The following SORCS2 variants were observed in gnomAD, a reference collection of about 807,000 sequenced individuals.
The protein encoded by SORCS2 is VPS10 domain-containing receptor SorCS2.
Under a neutral mutation model 141.6 loss-of-function variants are expected in SORCS2, and 100 were observed. That is an observed-to-expected ratio of 0.71 (90% CI 0.60 to 0.83). SORCS2 has a LOEUF of 0.83. Ranked by LOEUF, SORCS2 falls within the 40% of genes least tolerant of loss-of-function variation. SORCS2 has a pLI of 0.00. For missense variants in SORCS2, 1,646 were observed against 1,560.2 expected (o/e 1.05, Z -0.93); for synonymous variants, 789 against 676.9 (o/e 1.17, Z -2.57).
chr4:7,590,979 C>T (rs1432120194), intron 3 of SORCS2, among the ~76,000 whole-genome samples: 1 of 152,186 alleles, frequency 6.6e-6, no homozygotes, highest in Non-Finnish European at 1.5e-5. Flanking sequence ...CTGGCAGCTT[C>T]CAGTCAGGAA....
intron 1 of SORCS2, among the ~76,000 whole-genome samples, chr4:7,204,755 C>T (rs1287045709): frequency 6.6e-6 from 1 of 152,170 alleles, no homozygotes; most frequent in African/African-American, 2.4e-5. Context: ...TGAATTCTGC[C>T]ACTTGTGACC....
intron 2 of SORCS2, chr4:7,433,644 G>A: frequency 6.2e-7 from 1 of 1,610,388 alleles, no homozygotes; most frequent in Admixed American, 1.7e-5. Flanking sequence ...TGGTGCTCTT[G>A]CTCTCCAAGT....
At chr4:7,612,505 G>T (rs1718474099) in intron 3 of SORCS2, among the ~76,000 whole-genome samples, 1 of 152,140 alleles carries the variant, frequency 6.6e-6, no homozygotes, top group Admixed American at 6.5e-5. Context: ...TACATGGGGT[G>T]TGGCCGGGCT....
chr4:7,237,845 G>A (rs902614195), intron 1 of SORCS2, among the ~76,000 whole-genome samples: 1 of 151,828 alleles, frequency 6.6e-6, no homozygotes, highest in Non-Finnish European at 1.5e-5. Flanking sequence ...ACTCTATTGT[G>A]GATGTTTTTT....
At chr4:7,711,759 G>A (rs1725837684) in intron 14 of SORCS2, among the ~76,000 whole-genome samples, 1 of 152,214 alleles carries the variant, frequency 6.6e-6, no homozygotes, top group East Asian at 1.9e-4. Context: ...CAACCTCTCT[G>A]TGCCTCGGCT....
chr4:7,639,356 T>G (rs1720482782), intron 4 of SORCS2, among the ~76,000 whole-genome samples: 1 of 152,204 alleles, frequency 6.6e-6, no homozygotes, highest in Non-Finnish European at 1.5e-5. Flanking sequence ...TGGCCACATC[T>G]CTGCACCTTC....
At chr4:7,343,944 C>T (rs1324537974) in intron 1 of SORCS2, among the ~76,000 whole-genome samples, 1 of 152,210 alleles carries the variant, frequency 6.6e-6, no homozygotes, top group Non-Finnish European at 1.5e-5. Flanking sequence ...GGGGTGCTTC[C>T]TGTGCTCCCC....
At chr4:7,431,715 C>T (rs1033743460) in intron 2 of SORCS2, 9 of 152,234 alleles carry the variant, frequency 5.9e-5, no homozygotes, top group Admixed American at 5.2e-4. Flanking sequence ...GTGGGACTGC[C>T]CAGCGGGCCC....
At chr4:7,435,025 G>A (rs576671256) in intron 2 of SORCS2, 15 of 1,006,814 alleles carry the variant, frequency 1.5e-5, no homozygotes, top group Middle Eastern at 3.3e-4. Context: ...CTGTGCCCGG[G>A]GATTCCTGGC....
At position 7,742,263 on chromosome 4, in the gene SORCS2, C is replaced by A. The variant is rs1316972487; in HGVS notation, c.*1999C>A. ...GCAGGGATTCTTGTCCTGCTGGCCA[C>A]CCCACCCACACCTGTCCCTGGCCAG... On this transcript the variant is annotated 3_prime_UTR_variant, in exon 27 of 27. Transcript: ENST00000507866. The A allele has an allele frequency of 2.6e-5, 4 of 152,296 alleles. No individual in the cohort carries two copies. The highest frequency in any genetic ancestry group is 7.2e-5 in the African/African-American group (3 of 41,452). 9.4% of individuals were successfully genotyped at this position (152,296 alleles called of 1,614,324 possible).
At chr4:7,697,529 T>C (rs1425295579) in intron 12 of SORCS2, among the ~76,000 whole-genome samples, 1 of 151,930 alleles carries the variant, frequency 6.6e-6, no homozygotes, top group Non-Finnish European at 1.5e-5. Context: ...TGATAGGGAG[T>C]GACAGATGCA....
chr4:7,692,972 G>A (rs531485012), intron 11 of SORCS2, among the ~76,000 whole-genome samples: 59 of 152,270 alleles, frequency 3.9e-4, no homozygotes, highest in Non-Finnish European at 7.1e-4. Context: ...AGAAGGGGAT[G>A]GATTTGAGAA....
intron 2 of SORCS2, among the ~76,000 whole-genome samples, chr4:7,522,965 T>G (rs186200396): frequency 4.0e-4 from 43 of 107,978 alleles, no homozygotes; most frequent in East Asian, 1.2e-3. Flanking sequence ...CCCTTCTCCC[T>G]TTTTCCCTCC....
At chr4:7,458,769 A>G (rs561601510) in intron 2 of SORCS2, among the ~76,000 whole-genome samples, 1 of 151,726 alleles carries the variant, frequency 6.6e-6, no homozygotes, top group African/African-American at 2.4e-5. Context: ...GGCCACCCCA[A>G]GGGGGTCCCG....
At chr4:7,529,464 G>T (rs1733887332) in intron 2 of SORCS2, among the ~76,000 whole-genome samples, 1 of 152,228 alleles carries the variant, frequency 6.6e-6, no homozygotes, top group Non-Finnish European at 1.5e-5. Context: ...GCCACTCCTG[G>T]CAGGAGCTCT....
chr4:7,521,092 G>A (rs1361840113), intron 2 of SORCS2, among the ~76,000 whole-genome samples: 1 of 152,138 alleles, frequency 6.6e-6, no homozygotes, highest in African/African-American at 2.4e-5. Context: ...TCAGCGAAAT[G>A]GGAAGGTGTC....
intron 3 of SORCS2, among the ~76,000 whole-genome samples, chr4:7,579,313 A>T (rs1310428995): frequency 1.3e-5 from 2 of 152,198 alleles, no homozygotes; most frequent in Non-Finnish European, 1.5e-5. Flanking sequence ...TGAGTAGCTG[A>T]GTACCTACAA....
intron 3 of SORCS2, among the ~76,000 whole-genome samples, chr4:7,603,863 G>A (rs967522625): frequency 1.3e-5 from 2 of 152,168 alleles, no homozygotes; most frequent in Non-Finnish European, 2.9e-5. Context: ...TTCCTAGCCT[G>A]GCGTTTTTAG....
intron 1 of SORCS2, among the ~76,000 whole-genome samples, chr4:7,379,225 C>G (rs1722839342): frequency 6.6e-6 from 1 of 152,130 alleles, no homozygotes; most frequent in African/African-American, 2.4e-5. Context: ...CGCACCTGTG[C>G]TGCAGTTGAC....
Sources: gnomAD v4.1 joint callset for allele counts (sites outside exome capture counted in the v4.1 genomes callset) on GRCh38, gnomAD v4.1.1 for gene constraint, MANE v1.5 for transcripts, NCBI Gene and HGNC (gene_info 2026-07-23, HGNC 2026-07-21) for gene names.